Variants in NUTM2E observed in about 807,000 individuals in gnomAD.
The protein encoded by NUTM2E is NUT family member 2E, also known as family with sequence similarity 22, member E.
In NUTM2E, 3 loss-of-function variants were observed where a neutral mutation model predicts 26.1. The ratio of observed to expected loss-of-function variants is 0.12; its 90% CI spans 0.05 to 0.30. The LOEUF (loss-of-function observed/expected upper bound fraction) is 0.30. Ranked by LOEUF, NUTM2E falls within the 10% of genes least tolerant of loss-of-function variation. NUTM2E has a pLI of 1.00. For synonymous variants in NUTM2E, 13 were observed against 157.5 expected (o/e 0.08, Z 6.87); for missense variants, 62 against 381.3 (o/e 0.16, Z 6.97).
intron 1 of NUTM2E, among the ~76,000 whole-genome samples, chr10:79,830,968 A>G (rs937718103): frequency 2.6e-5 from 4 of 151,802 alleles, no homozygotes; most frequent in South Asian, 2.1e-4. Context: ...TTTAATATTT[A>G]TATACCACGT....
chr10:79,828,797 T>C (rs7921725), intron 1 of NUTM2E, among the ~76,000 whole-genome samples: 98,151 of 151,498 alleles, frequency 0.65, 32,767 homozygotes, highest in Non-Finnish European at 0.73. Flanking sequence ...TGTAATACAG[T>C]ATGTTTCATA....
At chr10:79,837,636 TTTGA>T (rs1291091782) in intron 1 of NUTM2E, among the ~76,000 whole-genome samples, 3 of 152,144 alleles carry the variant, frequency 2.0e-5, no homozygotes, top group African/African-American at 7.2e-5. Context: ...CAACAAACAC[TTTGA>T]TTGTGTTATA....
Position 79,848,085 on chromosome 10 carries a change from A to T in NUTM2E, c.1351+15A>T. ...CAAGCAGCCAGGTATGGCTTCCCAC[A>T]TTCCCACAGGAGCCATGGCAAAGGC... On this transcript the variant is annotated intron_variant, in intron 7 of 9. Coordinates refer to ENST00000429984, the MANE Select transcript of NUTM2E (RefSeq NM_001355263.2). 1 of 293,894 alleles carries T rather than the reference A, an allele frequency of 3.4e-6. No individual in the cohort carries two copies. Among genetic ancestry groups the T allele is most frequent in the East Asian group, 4.1e-5 (1 of 24,232 alleles). 18.2% of individuals were successfully genotyped at this position (293,894 alleles called of 1,614,324 possible). A position where few individuals can be genotyped will look rare whatever the true frequency, so the allele number is the denominator to read the frequency against.
intron 1 of NUTM2E, among the ~76,000 whole-genome samples, chr10:79,838,094 G>T (rs1841975020): frequency 1.3e-5 from 2 of 151,378 alleles, no homozygotes; most frequent in South Asian, 4.2e-4. Flanking sequence ...GTGGGTCATA[G>T]TAGACAGAAA....
intron 1 of NUTM2E, among the ~76,000 whole-genome samples, chr10:79,832,910 G>A (rs538239298): frequency 2.9e-4 from 44 of 151,822 alleles, no homozygotes; most frequent in African/African-American, 1.0e-3. Context: ...CATGCCTATA[G>A]GTATAGTTGT....
rs781769382 is a variant in NUTM2E at position 79,849,997 on chromosome 10, G to A, written c.2028G>A (p.Thr676=). Residue 676 remains threonine (T), a synonymous_variant, in exon 10 of 10, where the codon ACG becomes ACA. Transcript: ENST00000429984. The part of the protein sequence containing the change: ...GVGMETCPPQ[T]TARDSQGRGR... ...GCATGGAAACCTGCCCACCCCAGAC[G>A]ACTGCCCGGGACTCTCAGGGACGAG... is the stretch of plus-strand genomic sequence containing the variant. 2.6e-5 allele frequency: 27 copies of A among 1,027,864 alleles called. No individual in the cohort carries two copies. The highest frequency in any genetic ancestry group is 3.2e-5 in the Non-Finnish European group (23 of 708,704). The allele number at this position is 1,027,864 out of a possible 1,614,324, so 63.7% of individuals were successfully genotyped here.
At chr10:79,847,388 G>A (rs1163891256) in intron 6 of NUTM2E, among the ~76,000 whole-genome samples, 5 of 93,994 alleles carry the variant, frequency 5.3e-5, no homozygotes, top group Non-Finnish European at 8.1e-5. Context: ...TCTGCACCTG[G>A]GACACCATGG....
At chr10:79,829,413 C>G (rs1308377422) in intron 1 of NUTM2E, among the ~76,000 whole-genome samples, 3 of 151,586 alleles carry the variant, frequency 2.0e-5, no homozygotes, top group Non-Finnish European at 2.9e-5. Flanking sequence ...TTTATTATAA[C>G]CACTATACAA....
In NUTM2E at chr10:79,833,663, A is replaced by G. The variant is rs1319153233; in HGVS notation, c.-2727-4646A>G. 7.9e-5 allele frequency among the ~76,000 whole-genome samples: 12 copies of G among 151,848 alleles called. 1 individual carries two copies. Among genetic ancestry groups the G allele is most frequent in the Admixed American group, 6.6e-4 (10 of 15,218 alleles). Reference sequence around the variant, plus strand: ...ATGCAAATCAAAACCACAATGAGATACCATCTCAGGCCAGTTAGAATGGCA... The same window carrying G: ...ATGCAAATCAAAACCACAATGAGATGCCATCTCAGGCCAGTTAGAATGGCA... On this transcript the variant is annotated intron_variant, in intron 1 of 9. Coordinates refer to ENST00000429984, the MANE Select transcript of NUTM2E (RefSeq NM_001355263.2).
intron 3 of NUTM2E, among the ~76,000 whole-genome samples, 42 bp downstream of exon 3, chr10:79,839,157 G>C (rs1841984026): frequency 2.6e-5 from 4 of 151,626 alleles, no homozygotes; most frequent in Non-Finnish European, 5.9e-5. Flanking sequence ...TAACACCCTT[G>C]CTGAAAGGTT....
At chr10:79,845,052 C>A (rs1308274723) in intron 5 of NUTM2E, among the ~76,000 whole-genome samples, 180 bp downstream of exon 5, 3 of 112,856 alleles carry the variant, frequency 2.7e-5, no homozygotes, top group Non-Finnish European at 7.1e-5. Flanking sequence ...GACAGACTGT[C>A]AGGGGCCTCA....
intron 6 of NUTM2E, among the ~76,000 whole-genome samples, chr10:79,847,581 C>T (rs1815767263): frequency 3.1e-5 from 2 of 64,388 alleles, no homozygotes; most frequent in East Asian, 6.3e-4. Flanking sequence ...CAGTCCTAGC[C>T]TCAGGACTCC....
At chr10:79,828,192 G>A (rs1245683719) in intron 1 of NUTM2E, among the ~76,000 whole-genome samples, 1 of 151,696 alleles carries the variant, frequency 6.6e-6, no homozygotes, top group Admixed American at 6.6e-5. Flanking sequence ...AAATGATATA[G>A]GAATAAATTT....
intron 1 of NUTM2E, chr10:79,827,652 A>G (rs1044064610): frequency 6.6e-6 from 1 of 151,528 alleles, no homozygotes; most frequent in Non-Finnish European, 1.5e-5. Flanking sequence ...GCAGGGAAGA[A>G]TGGGAAAGTA....
At chr10:79,833,524 C>G (rs1841941206) in intron 1 of NUTM2E, among the ~76,000 whole-genome samples, 1 of 151,688 alleles carries the variant, frequency 6.6e-6, no homozygotes, top group Admixed American at 6.6e-5. Context: ...AAGAGAAAAA[C>G]AACCCCATCA....
chr10:79,829,637 T>C (rs1453803367), intron 1 of NUTM2E, among the ~76,000 whole-genome samples: 1 of 151,898 alleles, frequency 6.6e-6, no homozygotes, highest in Non-Finnish European at 1.5e-5. Flanking sequence ...ATTTATTTAC[T>C]AAATGCCAAA....
chr10:79,838,133 C>A lies in NUTM2E; in HGVS notation c.-2727-176C>A, dbSNP rs1256350770. On this transcript the variant is annotated intron_variant, in intron 1 of 9. Coordinates refer to ENST00000429984, the MANE Select transcript of NUTM2E (RefSeq NM_001355263.2). Reference sequence around the variant, plus strand: ...TAGAACCCCTTTTCTCCAAAGCCAGCCATAAAACCTATGGCTTTACTGCAT... The same window carrying A: ...TAGAACCCCTTTTCTCCAAAGCCAGACATAAAACCTATGGCTTTACTGCAT... Among the ~76,000 whole-genome samples, 7 of 150,944 alleles carry A rather than the reference C, an allele frequency of 4.6e-5. 2 individuals carry two copies. The highest frequency in any genetic ancestry group is 4.6e-4 in the Admixed American group (7 of 15,112).
intron 7 of NUTM2E, 150 bp from the exon 8 acceptor site, chr10:79,848,363 C>T: frequency 4.7e-6 from 1 of 212,620 alleles, no homozygotes; most frequent in Non-Finnish European, 9.0e-6. Context: ...CTCAGATGTG[C>T]CCCTCCTGCC....
chr10:79,834,351 A>C lies in NUTM2E; in HGVS notation c.-2727-3958A>C, dbSNP rs552789850. On this transcript the variant is annotated intron_variant, in intron 1 of 9. Coordinates refer to ENST00000429984, the MANE Select transcript of NUTM2E (RefSeq NM_001355263.2). ...ACACATGTATAACTTAAGTATCATA[A>C]AAAGAAAGAAATGTTTTCATTAATA... 5.0e-4 allele frequency among the ~76,000 whole-genome samples: 76 copies of C among 151,908 alleles called. 3 individuals are homozygous for C. Among genetic ancestry groups the C allele is most frequent in the South Asian group, 8.4e-4 (4 of 4,770 alleles).
Sources: gnomAD v4.1 joint callset for allele counts (sites outside exome capture counted in the v4.1 genomes callset) on GRCh38, gnomAD v4.1.1 for gene constraint, MANE v1.5 for transcripts, NCBI Gene and HGNC (gene_info 2026-07-23, HGNC 2026-07-21) for gene names.